The following NEURL4 variants were observed in gnomAD, a reference collection of about 807,000 sequenced individuals.
The protein encoded by NEURL4 is neuralized-like protein 4.
Under a neutral mutation model 148.0 loss-of-function variants are expected in NEURL4, and 45 were observed. The observed-to-expected ratio is 0.30, with a 90% CI of 0.24 to 0.39. NEURL4 has a LOEUF of 0.39. Ranked by LOEUF, NEURL4 falls within the 10% of genes least tolerant of loss-of-function variation. The pLI is 1.00. For synonymous variants in NEURL4, 854 were observed against 869.0 expected, an observed-to-expected ratio of 0.98 and a Z score of 0.30; for missense variants, 1,776 against 2,144.0, an observed-to-expected ratio of 0.83 and a Z score of 3.39.
In NEURL4 at chr17:7,322,260, C is replaced by T. The variant is rs567872458; in HGVS notation, c.2726-250G>A. Among the ~76,000 whole-genome samples, 3 of 152,232 alleles carry T rather than the reference C, an allele frequency of 2.0e-5. No individual in the cohort carries two copies. Among genetic ancestry groups the T allele is most frequent in the South Asian group, 2.1e-4 (1 of 4,828 alleles). ...GCAGCCTCGACTTCCTGGGATCCAG[C>T]TATCCTCCCACCTCAGCCTCTCAAG... On this transcript the variant is annotated intron_variant, in intron 16 of 28. Coordinates refer to ENST00000399464, the MANE Select transcript of NEURL4 (RefSeq NM_032442.3). This position sits in a 1 kb window ranked among gnomAD's most constrained non-coding sequence, Gnocchi z 5.5.
intron 21 of NEURL4, among the ~76,000 whole-genome samples, chr17:7,319,726 A>AAAAAAAC (rs2073005017): frequency 4.3e-5 from 5 of 115,748 alleles, no homozygotes; most frequent in South Asian, 4.7e-4. Flanking sequence ...ACAAAAAAAC[A>AAAAAAAC]AAAAAAAAAC....
intron 21 of NEURL4, 51 bp from the exon 22 acceptor site, chr17:7,319,259 G>A (rs755452618): frequency 3.3e-6 from 5 of 1,522,844 alleles, no homozygotes; most frequent in Non-Finnish European, 4.5e-6. Flanking sequence ...GAAGAACCAG[G>A]CTCCGCACCC....
At chr17:7,320,202 G>C (rs1324234347) in intron 21 of NEURL4, among the ~76,000 whole-genome samples, 1 of 150,780 alleles carries the variant, frequency 6.6e-6, no homozygotes, top group Non-Finnish European at 1.5e-5. Flanking sequence ...GCGTGATCTC[G>C]GCTTACTGTA....
chr17:7,328,398 A>G (rs1188836577), intron 1 of NEURL4, among the ~76,000 whole-genome samples: 1 of 151,936 alleles, frequency 6.6e-6, no homozygotes, highest in Non-Finnish European at 1.5e-5. Context: ...CTGTCCTTCA[A>G]TGGTTTGTTC....
chr17:7,323,760 C>T (rs1221395085), intron 12 of NEURL4, 37 bp from the exon 13 acceptor site: 1 of 1,613,832 alleles, frequency 6.2e-7, no homozygotes, highest in African/African-American at 1.3e-5. Flanking sequence ...GCTCTACTTG[C>T]ATGGCTGAGG....
Position 7,325,660 on chromosome 17 carries a change from G to A in NEURL4, c.1347C>T (p.Phe449=), listed in dbSNP as rs2073095133. 1 of 1,613,852 alleles carries A rather than the reference G, an allele frequency of 6.2e-7. No homozygotes were observed. Residue 449 remains phenylalanine, a synonymous_variant, in exon 7 of 29, where the codon TTC becomes TTT. Coordinates refer to ENST00000399464, the MANE Select transcript of NEURL4 (RefSeq NM_032442.3). ...CCTTACCCTGATCGATACCATTAAT[G>A]AAGAAGTGTAGGGCAGAGTTGGACT... ...TRKSNSALHF[F]INGIDQGVAT...
chr17:7,320,831 G>A lies in NEURL4; in HGVS notation c.3453C>T (p.Ala1151=). 1 of 1,614,106 alleles carries A rather than the reference G, an allele frequency of 6.2e-7. No individual in the cohort carries two copies. The highest frequency in any genetic ancestry group is 8.5e-7 in the Non-Finnish European group (1 of 1,180,002). Residue 1151 remains alanine, a synonymous_variant, in exon 21 of 29, where the codon GCC becomes GCT. Coordinates refer to ENST00000399464, the MANE Select transcript of NEURL4 (RefSeq NM_032442.3). ...NILLSNGNRT[A]TRVASYNQGI... Reference sequence around the variant, plus strand: ...CCTGATTGTAGCTGGCCACCCGTGTGGCCGTACGGTTCCCATTAGACAAAA... The same window carrying A: ...CCTGATTGTAGCTGGCCACCCGTGTAGCCGTACGGTTCCCATTAGACAAAA...
intron 14 of NEURL4, 96 bp from the exon 15 acceptor site, chr17:7,323,219 G>C: frequency 2.2e-6 from 3 of 1,358,058 alleles, no homozygotes; most frequent in Non-Finnish European, 3.1e-6. Context: ...CCAATGTCTT[G>C]GGCTGGTGTC....
Position 7,322,719 on chromosome 17 carries a change from C to T in NEURL4, c.2725+16G>A, listed in dbSNP as rs759830542. ...AGGCAAGCAGAGCCCGTCCAGCCCCCGCCCTGCTGCCGCACCTGGGGAGTG... is the reference window on the plus strand; with the variant it reads ...AGGCAAGCAGAGCCCGTCCAGCCCCTGCCCTGCTGCCGCACCTGGGGAGTG... On this transcript the variant is annotated intron_variant, in intron 16 of 28. Coordinates refer to ENST00000399464, the MANE Select transcript of NEURL4 (RefSeq NM_032442.3). The surrounding 1 kb of genome is among the most constrained non-coding windows in gnomAD (Gnocchi z 5.5). The T allele has an allele frequency of 2.9e-5, 46 of 1,607,948 alleles. 1 individual carries two copies. The highest frequency in any genetic ancestry group is 3.2e-5 in the Non-Finnish European group (38 of 1,179,254).
At position 7,317,562 on chromosome 17, in the gene NEURL4, C is replaced by T. The variant is rs34688574; in HGVS notation, c.4217G>A (p.Arg1406His). 68,784 of 1,613,798 alleles carry T rather than the reference C, an allele frequency of 0.043. 1,804 individuals carry two copies. Among genetic ancestry groups the T allele is most frequent in the Non-Finnish European group, 0.046 (54,031 of 1,179,718 alleles). ...WCRFNLRVNP[R>H]LEAGTLTKKW... ...CTTGGTTAGTGTCCCAGCCTCCAGG[C>T]GGGGATTCACTCTAGGAGGTGGACA... The change falls in exon 27 of 29, where the codon CGC (arginine) becomes CAC (histidine). Residue 1406 changes from arginine (R) to histidine (H), a missense_variant. Physicochemically the swap from Arg to His is conservative, Grantham distance 29. Transcript: ENST00000399464.
In NEURL4 at chr17:7,316,276, C is replaced by T. The variant is rs948845312; in HGVS notation, c.4536G>A (p.Gln1512=). ...QRTHQAQVAF[Q]VCVRPGSYTP... ...TGTAGGAGCCAGGGCGCACACACAC[C>T]TGGAACGCCACCTGAGCCTGGTGCG... Residue 1512 remains glutamine (Q), a synonymous_variant, in exon 29 of 29, where the codon CAG becomes CAA. Transcript: ENST00000399464. 3.1e-6 allele frequency: 5 copies of T among 1,613,410 alleles called. No individual in the cohort carries two copies. Among genetic ancestry groups the T allele is most frequent in the Non-Finnish European group, 4.2e-6 (5 of 1,180,024 alleles).
intron 26 of NEURL4, 97 bp downstream of exon 26, chr17:7,317,691 C>A: frequency 3.2e-6 from 5 of 1,574,798 alleles, no homozygotes; most frequent in Non-Finnish European, 4.3e-6. Flanking sequence ...TTTCCTTAGA[C>A]AGGAAGTTCT....
At chr17:7,325,018 C>A in intron 8 of NEURL4, 38 bp from the exon 9 acceptor site, 1 of 1,609,172 alleles carries the variant, frequency 6.2e-7, no homozygotes, top group Non-Finnish European at 8.5e-7. Flanking sequence ...ATCCCCAACA[C>A]ACGCTCTCAA....
At position 7,324,142 on chromosome 17, in the gene NEURL4, G is replaced by T. The variant is rs1339567912; in HGVS notation, c.2028C>A (p.Gly676=). The change falls in exon 11 of 29, where the codon GGC becomes GGA. Residue 676 remains glycine (G), a synonymous_variant. Coordinates refer to ENST00000399464, the MANE Select transcript of NEURL4 (RefSeq NM_032442.3). The surrounding 1 kb of genome is among the most constrained non-coding windows in gnomAD (Gnocchi z 5.9). Reference sequence around the variant, plus strand: ...CCACAATGGTGGCCTGGGCCGCCTGGCCATAGAGATCGACGACAGCATAGA... The same window carrying T: ...CCACAATGGTGGCCTGGGCCGCCTGTCCATAGAGATCGACGACAGCATAGA... The part of the protein sequence containing the change: ...PGVYAVVDLY[G]QAAQATIVDD... The T allele has an allele frequency of 6.2e-7, 1 of 1,613,454 alleles. No homozygotes were observed. The highest frequency in any genetic ancestry group is 1.3e-5 in the African/African-American group (1 of 74,924).
Position 7,318,605 on chromosome 17 carries a change from T to G in NEURL4, c.3754A>C (p.Ser1252Arg), listed in dbSNP as rs755878935. ...ACATGAAGATGCAGCCCCCCAGAGC[T>G]GTCCAGCCGCAGTCCCAGGATGGTG... is the stretch of plus-strand genomic sequence containing the variant. The part of the protein sequence containing the change: ...EGTILGLRLD[S>R]SGGLHLHVNG... Residue 1252 changes from serine to arginine, a missense_variant, in exon 23 of 29, where the codon AGC becomes CGC. Ser to Arg is a moderately radical substitution (Grantham distance 110, BLOSUM62 -1). Coordinates refer to ENST00000399464, the MANE Select transcript of NEURL4 (RefSeq NM_032442.3). This position sits in a 1 kb window ranked among gnomAD's most constrained non-coding sequence, Gnocchi z 4.3. 1 of 1,614,086 alleles carries G rather than the reference T, an allele frequency of 6.2e-7. No individual in the cohort carries two copies. Among genetic ancestry groups the G allele is most frequent in the East Asian group, 2.2e-5 (1 of 44,890 alleles).
intron 12 of NEURL4, 42 bp downstream of exon 12, chr17:7,323,772 T>C: frequency 6.2e-7 from 1 of 1,613,974 alleles, no homozygotes; most frequent in Non-Finnish European, 8.5e-7. Flanking sequence ...TGGCTGAGGC[T>C]GGGCAGGAGG....
At position 7,329,241 on chromosome 17, in the gene NEURL4, G is replaced by GCCCCCCCCCCCCCCC; in HGVS notation, c.71_72insGGGGGGGGGGGGGGG (p.Gly20_Gly24dup). On this transcript the variant is annotated inframe_insertion, in exon 1 of 29. Transcript: ENST00000399464. ...CCGGTCCTGAGCCGCTCCCGCTGGG[G>GCCCCCCCCCCCCCCC]CCCCCACCCCCGCCCGGCCCCGGTC... 1 of 1,481,508 alleles carries GCCCCCCCCCCCCCCC rather than the reference G, an allele frequency of 6.7e-7. No individual in the cohort carries two copies. Among genetic ancestry groups the GCCCCCCCCCCCCCCC allele is most frequent in the Non-Finnish European group, 9.0e-7 (1 of 1,116,070 alleles). The allele number at this position is 1,481,508 out of a possible 1,614,324, so 91.8% of individuals were successfully genotyped here. A position where few individuals can be genotyped will look rare whatever the true frequency, so the allele number is the denominator to read the frequency against.
Position 7,326,237 on chromosome 17 carries a change from T to G in NEURL4, c.1293+18A>C, listed in dbSNP as rs756903229. 6.2e-7 allele frequency: 1 copy of G among 1,611,974 alleles called. No homozygotes were observed. The highest frequency in any genetic ancestry group is 8.5e-7 in the Non-Finnish European group (1 of 1,178,488). Reference sequence around the variant, plus strand: ...GGCTCTGCTGAAAGCGGCCCAGGGATCTGTGCCCCACCCTCACCTGCAACT... The same window carrying G: ...GGCTCTGCTGAAAGCGGCCCAGGGAGCTGTGCCCCACCCTCACCTGCAACT... On this transcript the variant is annotated intron_variant, in intron 6 of 28. Transcript: ENST00000399464. This position sits in a 1 kb window ranked among gnomAD's most constrained non-coding sequence, Gnocchi z 6.0.
At position 7,319,164 on chromosome 17, in the gene NEURL4, G is replaced by T; in HGVS notation, c.3570C>A (p.Val1190=). The change falls in exon 22 of 29, where the codon GTC becomes GTA. Residue 1190 remains valine, a synonymous_variant. Coordinates refer to ENST00000399464, the MANE Select transcript of NEURL4 (RefSeq NM_032442.3). The stretch of plus-strand genomic sequence containing the variant: ...CAGGCGCGCAGGTGATGACTCCCAG[G>T]ACAAGGGAAGATGTCCACTGTCGGT... ...FLNRQWTSSL[V]LGVITCAPER... 1 of 1,613,884 alleles carries T rather than the reference G, an allele frequency of 6.2e-7. No individual in the cohort carries two copies. Among genetic ancestry groups the T allele is most frequent in the South Asian group, 1.1e-5 (1 of 91,078 alleles).
Sources: allele counts gnomAD v4.1 joint callset (sites outside exome capture counted in the v4.1 genomes callset), GRCh38; gene constraint gnomAD v4.1.1; non-coding constraint Gnocchi (gnomAD v3.1); transcripts MANE v1.5; gene names NCBI Gene and HGNC (gene_info 2026-07-23, HGNC 2026-07-21).